SNX1: variants seen among roughly 807,000 people sequenced by gnomAD.
SNX1 encodes the protein sorting nexin 1, also known as sorting nexin-1.
SNX1 carries 36 observed loss-of-function variants against 71.8 expected under a neutral mutation model. The ratio of observed to expected loss-of-function variants is 0.50; its 90% CI spans 0.38 to 0.66. The LOEUF is 0.66. Among genes scored for constraint, SNX1 ranks in the 30% least tolerant of loss-of-function variants. The probability of loss-of-function intolerance (pLI) is 0.00; values close to 1 mark genes in which losing one functional copy is unlikely to be tolerated. For missense variants in SNX1, 612 were observed against 646.7 expected, an observed-to-expected ratio of 0.95 and a Z score of 0.58; for synonymous variants, 254 against 240.7, an observed-to-expected ratio of 1.06 and a Z score of -0.51.
chr15:64,118,235 C>G lies in SNX1; in HGVS notation c.390C>G (p.Thr130=), dbSNP rs750932991. 5 of 1,612,872 alleles carry G rather than the reference C, an allele frequency of 3.1e-6. No individual in the cohort carries two copies. In the Admixed American group the frequency reaches 6.7e-5, roughly 22 times the overall value. ...CAAATTCTTCGAAGCCCCAGCCAAC[C>G]TATGAGGAGGTGAGGATCTGTGCTC... is the stretch of plus-strand genomic sequence containing the variant. ...EATNSSKPQP[T]YEELEEEEQE... The change falls in exon 3 of 15, where the codon ACC becomes ACG. Residue 130 remains threonine, a synonymous_variant. Coordinates refer to ENST00000559844, the MANE Select transcript of SNX1 (RefSeq NM_003099.5).
intron 4 of SNX1, among the ~76,000 whole-genome samples, chr15:64,121,097 A>G (rs1486032887): frequency 6.6e-6 from 1 of 152,220 alleles, no homozygotes; most frequent in Non-Finnish European, 1.5e-5. Flanking sequence ...AAACACATTA[A>G]TTTTAAGCTA....
intron 3 of SNX1, 39 bp from the exon 4 acceptor site, chr15:64,118,749 T>C: frequency 1.3e-6 from 2 of 1,506,368 alleles, no homozygotes; most frequent in South Asian, 2.3e-5. Context: ...AGCTTTTTTT[T>C]TCATATCAAC....
chr15:64,108,478 T>C (rs1248311637), intron 1 of SNX1, among the ~76,000 whole-genome samples: 1 of 152,186 alleles, frequency 6.6e-6, no homozygotes, highest in Non-Finnish European at 1.5e-5. Context: ...GAAGACTTGT[T>C]TTCTTTTAAC....
intron 1 of SNX1, among the ~76,000 whole-genome samples, chr15:64,098,689 CAAAAA>C (rs11448636): frequency 1.0e-5 from 1 of 100,292 alleles, no homozygotes; most frequent in African/African-American, 3.7e-5. Flanking sequence ...GACTCTCTCT[CAAAAA>C]AAAAAAAAAA....
At chr15:64,118,529 GGCAA>G (rs2140144903) in intron 3 of SNX1, among the ~76,000 whole-genome samples, 1 of 152,288 alleles carries the variant, frequency 6.6e-6, no homozygotes, top group South Asian at 2.1e-4. Flanking sequence ...GCCTGCAAGA[GGCAA>G]GTCTTTCTAA....
At chr15:64,096,246 G>A in intron 1 of SNX1, 74 bp downstream of exon 1, 1 of 1,506,402 alleles carries the variant, frequency 6.6e-7, no homozygotes, top group Non-Finnish European at 8.9e-7. Context: ...GAGAATCGGG[G>A]AGGTTGGGCA....
chr15:64,142,860 CAGA>C lies in SNX1; in HGVS notation c.*5246_*5248del. On this transcript the variant is annotated 3_prime_UTR_variant, in exon 15 of 15. Transcript: ENST00000559844. Reference sequence around the variant, plus strand: ...AATACCAGCAACTGTTAACTCTTCCCAGAAGATTTTCATTCTGAATGCTCCTGT... The same window carrying C: ...AATACCAGCAACTGTTAACTCTTCCCAGATTTTCATTCTGAATGCTCCTGT... 3.1e-6 allele frequency: 1 copy of C among 322,410 alleles called. No homozygotes were observed. Among genetic ancestry groups the C allele is most frequent in the South Asian group, 2.4e-5 (1 of 41,310 alleles). The allele number at this position is 322,410 out of a possible 1,614,324, so 20.0% of individuals were successfully genotyped here.
At chr15:64,104,131 G>C (rs1449899972) in intron 1 of SNX1, among the ~76,000 whole-genome samples, 1 of 152,088 alleles carries the variant, frequency 6.6e-6, no homozygotes, top group Non-Finnish European at 1.5e-5. Flanking sequence ...GTTTTACTTC[G>C]CATAAGTTTA....
At position 64,118,193 on chromosome 15, in the gene SNX1, T is replaced by G. The variant is rs2081152505; in HGVS notation, c.348T>G (p.Leu116=). 2 of 1,613,720 alleles carry G rather than the reference T, an allele frequency of 1.2e-6. No homozygotes were observed. The highest frequency in any genetic ancestry group is 2.2e-5 in the South Asian group (2 of 91,060). The change falls in exon 3 of 15, where the codon CTT becomes CTG. Residue 116 remains leucine, a synonymous_variant. Coordinates refer to ENST00000559844, the MANE Select transcript of SNX1 (RefSeq NM_003099.5). The part of the protein sequence containing the change: ...KKVLAKTLIS[L]PPQEATNSSK... The stretch of plus-strand genomic sequence containing the variant: ...TGCTAGCCAAAACACTCATTTCTCT[T>G]CCTCCTCAGGAAGCCACAAATTCTT...
intron 1 of SNX1, among the ~76,000 whole-genome samples, chr15:64,099,889 T>C (rs1282004276): frequency 6.6e-6 from 1 of 152,104 alleles, no homozygotes; most frequent in Non-Finnish European, 1.5e-5. Flanking sequence ...TTTTTGTATT[T>C]TTAGTAGAGA....
At chr15:64,106,957 A>G (rs1360617336) in intron 1 of SNX1, among the ~76,000 whole-genome samples, 1 of 152,236 alleles carries the variant, frequency 6.6e-6, no homozygotes, top group Non-Finnish European at 1.5e-5. Flanking sequence ...AATAAAAACT[A>G]ATAGGCTGTC....
intron 5 of SNX1, 150 bp downstream of exon 5, chr15:64,123,696 G>T (rs1347380561): frequency 6.2e-6 from 4 of 647,412 alleles, no homozygotes; most frequent in Non-Finnish European, 2.7e-6. Context: ...CATCCCCTTG[G>T]TAATCTCATC....
At position 64,141,027 on chromosome 15, in the gene SNX1, G is replaced by GATAGATA. The variant is rs2081409318; in HGVS notation, c.*3410_*3416dup. 2 of 61,692 alleles carry GATAGATA rather than the reference G, an allele frequency of 3.2e-5. No homozygotes were observed. The highest frequency in any genetic ancestry group is 1.5e-4 in the African/African-American group (2 of 13,656). The allele number at this position is 61,692 out of a possible 1,614,324, so 3.8% of individuals were successfully genotyped here. ...TAGATAGATAGATAGATAGATAGAT[G>GATAGATA]ATAGATATAGATAGATAGATAGATT... On this transcript the variant is annotated 3_prime_UTR_variant, in exon 15 of 15. Transcript: ENST00000559844. This position sits in a 1 kb window ranked among gnomAD's most constrained non-coding sequence, Gnocchi z 5.1.
chr15:64,132,668 G>T (rs1052946938), intron 11 of SNX1, among the ~76,000 whole-genome samples: 1 of 152,174 alleles, frequency 6.6e-6, no homozygotes, highest in Admixed American at 6.5e-5. Context: ...TTTCGCTTGG[G>T]ATCAGGATGT....
At position 64,129,800 on chromosome 15, in the gene SNX1, CA is replaced by C; in HGVS notation, c.808-115del. On this transcript the variant is annotated intron_variant, in intron 8 of 14. Coordinates refer to ENST00000559844, the MANE Select transcript of SNX1 (RefSeq NM_003099.5). The surrounding 1 kb of genome is among the most constrained non-coding windows in gnomAD (Gnocchi z 4.4). ...TCAGACTGCCTTTGAAAACAATTTA[CA>C]GTTCAAATAATTTGTCTGGCAAGTT... is the stretch of plus-strand genomic sequence containing the variant. The C allele has an allele frequency of 4.1e-6, 3 of 728,254 alleles. No homozygotes were observed. The highest frequency in any genetic ancestry group is 3.8e-4 in the Middle Eastern group (1 of 2,604). The allele number at this position is 728,254 out of a possible 1,614,324, so 45.1% of individuals were successfully genotyped here.
At position 64,131,804 on chromosome 15, in the gene SNX1, A is replaced by G; in HGVS notation, c.1133A>G (p.Glu378Gly). The change falls in exon 11 of 15, where the codon GAG (glutamate) becomes GGG (glycine). Residue 378 changes from glutamate (E) to glycine (G), a missense_variant. Glu to Gly is a moderately conservative substitution (Grantham distance 98). Transcript: ENST00000559844. The part of the protein sequence containing the change: ...SQLAEVEEKI[E>G]QLHQEQANND... ...CTGGCTGAGGTGGAAGAAAAAATTG[A>G]GCAGCTCCACCAGGAACAGGCCAAC... The G allele has an allele frequency of 6.2e-7, 1 of 1,614,196 alleles. No homozygotes were observed. The highest frequency in any genetic ancestry group is 1.1e-5 in the South Asian group (1 of 91,084).
Position 64,126,103 on chromosome 15 carries a change from A to C in SNX1, c.535A>C (p.Lys179Gln). The change falls in exon 6 of 15, where the codon AAA (lysine) becomes CAA (glutamine). Residue 179 changes from lysine (K) to glutamine (Q), a missense_variant. Physicochemically the swap from Lys to Gln is moderately conservative, Grantham distance 53. Coordinates refer to ENST00000559844, the MANE Select transcript of SNX1 (RefSeq NM_003099.5). ...TQTSLPLFRS[K>Q]QFAVKRRFSD... is the part of the protein sequence containing the mutation. ...GACAAGCTTACCATTGTTCAGAAGC[A>C]AACAGTTTGCAGTAAAAAGAAGATT... The C allele has an allele frequency of 6.2e-7, 1 of 1,614,212 alleles. No individual in the cohort carries two copies. The highest frequency in any genetic ancestry group is 8.5e-7 in the Non-Finnish European group (1 of 1,180,032).
At chr15:64,131,399 C>T (rs1211271049) in intron 10 of SNX1, among the ~76,000 whole-genome samples, 2 of 152,150 alleles carry the variant, frequency 1.3e-5, no homozygotes, top group African/African-American at 4.8e-5. Context: ...TGTTATTTAA[C>T]AACTGGGCTT....
chr15:64,124,144 TTACATATATATATATATATATA>T (rs1476213450), intron 5 of SNX1, among the ~76,000 whole-genome samples: 1 of 60,978 alleles, frequency 1.6e-5, no homozygotes, highest in African/African-American at 2.2e-4. Context: ...TAAGAAATCT[TTACATATATATATATATATATA>T]TATATATATA....
Sources: gnomAD v4.1 joint callset for allele counts (sites outside exome capture counted in the v4.1 genomes callset) on GRCh38, gnomAD v4.1.1 for gene constraint, Gnocchi (gnomAD v3.1) non-coding constraint, MANE v1.5 for transcripts, NCBI Gene and HGNC (gene_info 2026-07-23, HGNC 2026-07-21) for gene names.